Variants in DPP6 observed in about 807,000 individuals in gnomAD.
DPP6 encodes dipeptidyl peptidase like 6, also known as A-type potassium channel modulatory protein DPP6.
In DPP6, 69 loss-of-function variants were observed where a neutral mutation model predicts 122.6. The ratio of observed to expected loss-of-function variants is 0.56; its 90% CI spans 0.46 to 0.69. The LOEUF (loss-of-function observed/expected upper bound fraction) is 0.69. Ranked by LOEUF, DPP6 falls within the 30% of genes least tolerant of loss-of-function variation. The pLI, the probability that DPP6 is intolerant of heterozygous loss-of-function variation, is 0.00. For synonymous variants in DPP6, 418 were observed against 433.1 expected, an observed-to-expected ratio of 0.97 and a Z score of 0.43; for missense variants, 928 against 1,116.9, an observed-to-expected ratio of 0.83 and a Z score of 2.41.
chr7:154,659,753 G>A (rs191302979), intron 6 of DPP6, among the ~76,000 whole-genome samples: 6 of 152,312 alleles, frequency 3.9e-5, no homozygotes, highest in East Asian at 1.9e-4. Context: ...AGATTGCCAC[G>A]ACTCACTTCT....
At chr7:154,731,853 GT>G (rs1348707329) in intron 8 of DPP6, among the ~76,000 whole-genome samples, 1 of 152,162 alleles carries the variant, frequency 6.6e-6, no homozygotes, top group Non-Finnish European at 1.5e-5. Flanking sequence ...GTGAGTGAGT[GT>G]TCTGTTAAGA....
At chr7:153,850,392 A>G in the DPP6 span, among the ~76,000 whole-genome samples, 2 of 152,168 alleles carry the variant, frequency 1.3e-5, no homozygotes, top group Non-Finnish European at 2.9e-5. Flanking sequence ...ACAACATGGT[A>G]GCTTGCTTCT....
intron 1 of DPP6, among the ~76,000 whole-genome samples, chr7:154,090,871 A>G (rs894658949): frequency 1.3e-5 from 2 of 149,914 alleles, no homozygotes; most frequent in African/African-American, 4.9e-5. Flanking sequence ...CTGTAATCCC[A>G]GCACTTTGGG....
intron 1 of DPP6, among the ~76,000 whole-genome samples, chr7:154,007,890 TA>T (rs1797980413): frequency 6.6e-6 from 1 of 152,016 alleles, no homozygotes; most frequent in Admixed American, 6.6e-5. Context: ...ATGCTACAGA[TA>T]GCCTGGCATT....
chr7:154,059,233 CCT>C (rs1452024339), intron 1 of DPP6: 1 of 144,570 alleles, frequency 6.9e-6, no homozygotes, highest in Non-Finnish European at 1.5e-5. Context: ...AGAGCCTGCC[CCT>C]GTTCCCCCAC....
Position 153,906,644 on chromosome 7 carries a change from G to A in DPP6, c.51+18910G>A, listed in dbSNP as rs554150323. 1.1e-4 allele frequency among the ~76,000 whole-genome samples: 17 copies of A among 152,248 alleles called. No individual in the cohort carries two copies. The South Asian group carries it at 3.1e-3, about 28-fold the overall frequency. ...TTTTGTATTTTTTTGTAGAGACAGG[G>A]TTTCTCCATGTTGCCCAGGCTGGTC... On this transcript the variant is annotated intron_variant, in intron 1 of 25. Coordinates refer to the DPP6 transcript ENST00000404039.
At chr7:154,330,257 T>C (rs12703343) in intron 1 of DPP6, among the ~76,000 whole-genome samples, 10 of 152,228 alleles carry the variant, frequency 6.6e-5, no homozygotes, top group Non-Finnish European at 1.3e-4. Flanking sequence ...TTAGTTCTAA[T>C]TAATTGAAAT....
intron 1 of DPP6, among the ~76,000 whole-genome samples, chr7:154,021,480 C>G (rs556056773): frequency 6.6e-6 from 1 of 152,134 alleles, no homozygotes; most frequent in African/African-American, 2.4e-5. Context: ...CCAGAAGTCA[C>G]GTAAGAGACC....
intron 7 of DPP6, among the ~76,000 whole-genome samples, chr7:154,705,221 A>G (rs1840761537): frequency 6.6e-6 from 1 of 152,220 alleles, no homozygotes; most frequent in African/African-American, 2.4e-5. Context: ...ACAAAATGTC[A>G]AGTTAAACTA....
At chr7:154,724,983 C>A (rs1289487412) in intron 7 of DPP6, among the ~76,000 whole-genome samples, 1 of 152,120 alleles carries the variant, frequency 6.6e-6, no homozygotes, top group African/African-American at 2.4e-5. Context: ...CTGAGAAAGA[C>A]CTTGCCTGCC....
At chr7:154,234,195 G>A (rs1801069797) in intron 1 of DPP6, among the ~76,000 whole-genome samples, 1 of 152,190 alleles carries the variant, frequency 6.6e-6, no homozygotes, top group African/African-American at 2.4e-5. Flanking sequence ...CAGGAAAAAG[G>A]TGACAACTTG....
chr7:153,947,319 G>A (rs972551666), intron 1 of DPP6, among the ~76,000 whole-genome samples: 4 of 152,164 alleles, frequency 2.6e-5, no homozygotes, highest in African/African-American at 7.2e-5. Context: ...TCAGAGCATC[G>A]GCTGGGTTCA....
the DPP6 span, among the ~76,000 whole-genome samples, chr7:153,848,751 T>C: frequency 5.9e-5 from 9 of 152,216 alleles, no homozygotes; most frequent in African/African-American, 1.9e-4. Context: ...AGCTGTGTTT[T>C]ATGTGTTGTT....
chr7:154,520,110 G>A (rs958438871), intron 3 of DPP6, among the ~76,000 whole-genome samples: 1 of 152,150 alleles, frequency 6.6e-6, no homozygotes, highest in South Asian at 2.1e-4. Flanking sequence ...GTTACAGTCA[G>A]AGTATGATTG....
At chr7:154,240,896 CA>C (rs1160167105) in intron 1 of DPP6, among the ~76,000 whole-genome samples, 1 of 152,078 alleles carries the variant, frequency 6.6e-6, no homozygotes, top group Admixed American at 6.6e-5. Context: ...TTGAAATGAG[CA>C]ATACTTCCAC....
intron 5 of DPP6, among the ~76,000 whole-genome samples, chr7:154,608,002 C>T (rs1833658539): frequency 2.4e-5 from 2 of 84,152 alleles, no homozygotes; most frequent in African/African-American, 6.8e-5. Context: ...TTTTTTGAGA[C>T]AGAGTCTCGC....
chr7:153,960,693 ATGTG>A (rs1313440504), intron 1 of DPP6, among the ~76,000 whole-genome samples: 1 of 143,732 alleles, frequency 7.0e-6, no homozygotes, highest in Admixed American at 7.2e-5. Flanking sequence ...ATGCGTGTGC[ATGTG>A]TGTGTGAATG....
chr7:154,592,550 G>T (rs192599170), intron 5 of DPP6, among the ~76,000 whole-genome samples: 153 of 152,274 alleles, frequency 1.0e-3, no homozygotes, highest in African/African-American at 3.4e-3. Context: ...CATGTGTCAG[G>T]CAGGACACGT....
chr7:153,868,512 T>C, the DPP6 span, among the ~76,000 whole-genome samples: 1 of 152,226 alleles, frequency 6.6e-6, no homozygotes, highest in Admixed American at 6.5e-5. Context: ...CTTTGTCATT[T>C]TTTATTGCAT....
Sources: gnomAD v4.1 joint callset for allele counts (sites outside exome capture counted in the v4.1 genomes callset) on GRCh38, gnomAD v4.1.1 for gene constraint, MANE v1.5 for transcripts, NCBI Gene and HGNC (gene_info 2026-07-23, HGNC 2026-07-21) for gene names.